The following MAPK6 variants were observed in gnomAD, a reference collection of about 807,000 sequenced individuals.
The protein encoded by MAPK6 is ERK-3.
A neutral mutation model predicts 59.3 loss-of-function variants in MAPK6; 19 were observed. The observed-to-expected ratio is 0.32, with a 90% CI of 0.22 to 0.47. The LOEUF is 0.47. Among genes scored for constraint, MAPK6 ranks in the 20% least tolerant of loss-of-function variants. MAPK6 has a pLI of 1.00. For synonymous variants in MAPK6, 316 were observed against 290.3 expected (o/e 1.09, Z -0.90); for missense variants, 724 against 847.9 (o/e 0.85, Z 1.81).
At chr15:52,042,030 C>A (rs891009756) in intron 1 of MAPK6, among the ~76,000 whole-genome samples, 1 of 152,164 alleles carries the variant, frequency 6.6e-6, no homozygotes, top group African/African-American at 2.4e-5. Context: ...TTATCAAATA[C>A]CAAATAATGG....
At chr15:52,052,583 C>T (rs967015854) in intron 3 of MAPK6, among the ~76,000 whole-genome samples, 2 of 152,180 alleles carry the variant, frequency 1.3e-5, no homozygotes, top group Non-Finnish European at 2.9e-5. Context: ...TTCCCCCAGC[C>T]CCTGGCATCC....
At chr15:51,974,126 A>G (rs1360403993) in intron 1 of MAPK6, among the ~76,000 whole-genome samples, 1 of 151,696 alleles carries the variant, frequency 6.6e-6, no homozygotes, top group Non-Finnish European at 1.5e-5. Context: ...TACTTTTTTA[A>G]AAACTTAAAA....
chr15:52,048,972 A>G (rs377579387), intron 2 of MAPK6, among the ~76,000 whole-genome samples: 62 of 152,328 alleles, frequency 4.1e-4, no homozygotes, highest in African/African-American at 1.4e-3. Context: ...GACTTATACT[A>G]TATAAAATTG....
intron 3 of MAPK6, among the ~76,000 whole-genome samples, chr15:52,054,358 ACT>A (rs1004354467): frequency 6.6e-5 from 7 of 106,104 alleles, no homozygotes; most frequent in Admixed American, 1.5e-4. Flanking sequence ...ACAGAGCGAG[ACT>A]CTGTATTGGG....
chr15:52,052,094 A>T (rs965152134), intron 3 of MAPK6, among the ~76,000 whole-genome samples: 1 of 152,234 alleles, frequency 6.6e-6, no homozygotes, highest in Non-Finnish European at 1.5e-5. Context: ...AACAACAAAC[A>T]TTTATTAACG....
At chr15:52,026,522 C>T (rs1034145517) in intron 1 of MAPK6, among the ~76,000 whole-genome samples, 3 of 152,090 alleles carry the variant, frequency 2.0e-5, no homozygotes, top group East Asian at 1.9e-4. Flanking sequence ...GAACTCCTGA[C>T]CTCAAGTGAT....
intron 2 of MAPK6, among the ~76,000 whole-genome samples, chr15:52,047,925 G>C (rs895025793): frequency 5.3e-5 from 8 of 152,126 alleles, no homozygotes; most frequent in African/African-American, 1.7e-4. Flanking sequence ...CTTCGTCTTA[G>C]ATAGCAAATT....
intron 2 of MAPK6, among the ~76,000 whole-genome samples, chr15:51,995,233 G>A (rs1566895408): frequency 6.6e-6 from 1 of 152,330 alleles, no homozygotes; most frequent in East Asian, 1.9e-4. Flanking sequence ...GAGCTCTGGA[G>A]CTACAGCGAC....
chr15:52,024,400 T>G lies in MAPK6; in HGVS notation c.-632+5024T>G, dbSNP rs1225618395. 4.6e-5 allele frequency among the ~76,000 whole-genome samples: 7 copies of G among 151,152 alleles called. No homozygotes were observed. The East Asian group carries it at 1.4e-3, about 29-fold the overall frequency. ...GAATCTTAGAATCTACTTTTTCTTT[T>G]TCTTTTTTTTTTTTTTTGGAGACGG... On this transcript the variant is annotated intron_variant, in intron 1 of 5. Coordinates refer to ENST00000261845, the MANE Select transcript of MAPK6 (RefSeq NM_002748.4).
chr15:52,050,501 T>C (rs2031743136), intron 3 of MAPK6, among the ~76,000 whole-genome samples: 1 of 152,216 alleles, frequency 6.6e-6, no homozygotes, highest in Admixed American at 6.5e-5. Context: ...CCCCTCCCCC[T>C]ATAAACAACC....
intron 5 of MAPK6, among the ~76,000 whole-genome samples, chr15:52,062,218 T>TG (rs1396897897): frequency 6.6e-6 from 1 of 151,352 alleles, no homozygotes; most frequent in East Asian, 2.0e-4. Flanking sequence ...TTAGTAGAGG[T>TG]GGGATTTTAT....
intron 1 of MAPK6, among the ~76,000 whole-genome samples, chr15:52,020,525 C>G (rs999331840): frequency 1.3e-5 from 2 of 151,862 alleles, no homozygotes; most frequent in Non-Finnish European, 2.9e-5. Context: ...CAATGAAGAG[C>G]AAGCAGCTTC....
intron 1 of MAPK6, among the ~76,000 whole-genome samples, chr15:52,032,152 G>T (rs1853864767): frequency 1.3e-5 from 2 of 150,916 alleles, no homozygotes; most frequent in South Asian, 4.2e-4. Flanking sequence ...GGGATTACAG[G>T]CGTGAGCCAC....
intron 2 of MAPK6, among the ~76,000 whole-genome samples, chr15:51,993,660 A>G (rs944594385): frequency 6.6e-6 from 1 of 152,208 alleles, no homozygotes; most frequent in Non-Finnish European, 1.5e-5. Flanking sequence ...AAATGCTCAC[A>G]TATATGTACA....
At chr15:52,057,293 A>C (rs2032020719) in intron 3 of MAPK6, 1 of 151,766 alleles carries the variant, frequency 6.6e-6, no homozygotes, top group Non-Finnish European at 1.5e-5. Context: ...ATCTCTGCTC[A>C]AACTGCATGA....
intron 3 of MAPK6, among the ~76,000 whole-genome samples, chr15:52,051,710 C>T (rs1436501391): frequency 6.6e-6 from 1 of 151,710 alleles, no homozygotes; most frequent in Non-Finnish European, 1.5e-5. Flanking sequence ...CCTGTCTCTA[C>T]TAAAAATACA....
At chr15:51,998,349 C>G (rs866946198) in intron 2 of MAPK6, among the ~76,000 whole-genome samples, 1 of 151,876 alleles carries the variant, frequency 6.6e-6, no homozygotes, top group African/African-American at 2.4e-5. Context: ...GGATTACAGG[C>G]GCCCACCACC....
chr15:52,063,023 G>A (rs2032265785), intron 5 of MAPK6, among the ~76,000 whole-genome samples: 1 of 152,104 alleles, frequency 6.6e-6, no homozygotes, highest in South Asian at 2.1e-4. Flanking sequence ...ACACAAATCT[G>A]CAAACTACTT....
At chr15:51,985,890 G>A (rs535507379) in intron 2 of MAPK6, among the ~76,000 whole-genome samples, 3 of 151,786 alleles carry the variant, frequency 2.0e-5, no homozygotes, top group Admixed American at 1.3e-4. Flanking sequence ...CCCAGGAGGC[G>A]GAGCTTGCAG....
Sources: gnomAD v4.1 joint callset for allele counts (sites outside exome capture counted in the v4.1 genomes callset) on GRCh38, gnomAD v4.1.1 for gene constraint, MANE v1.5 for transcripts, NCBI Gene and HGNC (gene_info 2026-07-23, HGNC 2026-07-21) for gene names.